Variants in KCNAB1 observed in about 807,000 individuals in gnomAD.
KCNAB1 encodes potassium voltage-gated channel subfamily A regulatory beta subunit 1.
In KCNAB1, 35 loss-of-function variants were observed where a neutral mutation model predicts 64.6. The observed-to-expected ratio is 0.54, with a 90% CI of 0.41 to 0.72. KCNAB1 has a LOEUF of 0.72. Ranked by LOEUF, KCNAB1 falls within the 30% of genes least tolerant of loss-of-function variation. The pLI, the probability that KCNAB1 is intolerant of heterozygous loss-of-function variation, is 0.00. For synonymous variants in KCNAB1, 177 were observed against 183.8 expected, an observed-to-expected ratio of 0.96 and a Z score of 0.30; for missense variants, 401 against 512.9, an observed-to-expected ratio of 0.78 and a Z score of 2.11.
intron 1 of KCNAB1, among the ~76,000 whole-genome samples, chr3:156,401,748 A>G (rs2108192272): frequency 6.6e-6 from 1 of 152,368 alleles, no homozygotes; most frequent in African/African-American, 2.4e-5. Flanking sequence ...TTTGTCCAAA[A>G]TGAGCCAAAT....
At chr3:156,210,552 A>G (rs973235560) in intron 1 of KCNAB1, among the ~76,000 whole-genome samples, 1 of 152,210 alleles carries the variant, frequency 6.6e-6, no homozygotes, top group Non-Finnish European at 1.5e-5. Context: ...TCTGCATGCA[A>G]AAGATAATTA....
chr3:156,365,027 G>T (rs1029578585), intron 1 of KCNAB1, among the ~76,000 whole-genome samples: 2 of 152,170 alleles, frequency 1.3e-5, no homozygotes, highest in African/African-American at 4.8e-5. Context: ...CTCCAGAAAC[G>T]AAGTCTAGCA....
chr3:156,185,718 C>T (rs558174449), intron 1 of KCNAB1, among the ~76,000 whole-genome samples: 2 of 152,250 alleles, frequency 1.3e-5, no homozygotes, highest in East Asian at 1.9e-4. Context: ...GCCCCAACTT[C>T]CCATCCTCGA....
chr3:156,518,027 G>A lies in KCNAB1; in HGVS notation c.960+1663G>A, dbSNP rs536268526. Among the ~76,000 whole-genome samples, 3 of 152,304 alleles carry A rather than the reference G, an allele frequency of 2.0e-5. No individual in the cohort carries two copies. The East Asian group carries it at 5.8e-4, about 29-fold the overall frequency. On this transcript the variant is annotated intron_variant, in intron 11 of 13. Transcript: ENST00000490337. Reference sequence around the variant, plus strand: ...TAGCTATGATGTATTTGGAGTGCATGATTGTCTAACCTCCATCACTGTTTG... The same window carrying A: ...TAGCTATGATGTATTTGGAGTGCATAATTGTCTAACCTCCATCACTGTTTG...
chr3:156,421,681 TG>T, intron 2 of KCNAB1, 22 bp downstream of exon 2: 1 of 1,610,940 alleles, frequency 6.2e-7, no homozygotes. Flanking sequence ...GGGTGTGACC[TG>T]GGGGTGGGCT....
intron 13 of KCNAB1, among the ~76,000 whole-genome samples, chr3:156,532,772 C>A (rs1407288734): frequency 2.6e-5 from 4 of 152,144 alleles, no homozygotes; most frequent in African/African-American, 9.7e-5. Flanking sequence ...AGGAATTCTC[C>A]CTCTTATGTT....
At chr3:156,348,977 G>A (rs917224082) in intron 1 of KCNAB1, among the ~76,000 whole-genome samples, 5 of 152,172 alleles carry the variant, frequency 3.3e-5, no homozygotes, top group African/African-American at 1.2e-4. Flanking sequence ...ATTAGATCAT[G>A]CTATCAGCCT....
At chr3:156,493,583 A>G (rs188142820) in intron 8 of KCNAB1, among the ~76,000 whole-genome samples, 46 of 152,144 alleles carry the variant, frequency 3.0e-4, no homozygotes, top group Non-Finnish European at 6.0e-4. Context: ...ATTAACATTA[A>G]CACAATAATA....
At chr3:156,273,883 A>G (rs911719822) in intron 1 of KCNAB1, among the ~76,000 whole-genome samples, 3 of 152,080 alleles carry the variant, frequency 2.0e-5, no homozygotes, top group African/African-American at 7.2e-5. Flanking sequence ...CTTCCTCTAA[A>G]GTGTGTATCA....
rs140670839 is a variant in KCNAB1, at chr3:156,398,460, C to T, written c.276-23156C>T. Among the ~76,000 whole-genome samples, 663 of 151,988 alleles carry T rather than the reference C, an allele frequency of 4.4e-3. 4 individuals carry two copies. Among genetic ancestry groups the T allele is most frequent in the African/African-American group, 0.014 (597 of 41,448 alleles). On this transcript the variant is annotated intron_variant, in intron 1 of 13. Transcript: ENST00000490337. Reference sequence around the variant, plus strand: ...TCAAAAAATTAGCCGGGCGAGGTGGCGGGTGCCTGTATTCCCAGCTACTCG... The same window carrying T: ...TCAAAAAATTAGCCGGGCGAGGTGGTGGGTGCCTGTATTCCCAGCTACTCG...
At chr3:156,438,674 A>G (rs1384407589) in intron 2 of KCNAB1, among the ~76,000 whole-genome samples, 1 of 152,204 alleles carries the variant, frequency 6.6e-6, no homozygotes, top group Non-Finnish European at 1.5e-5. Context: ...GTCTAGTACT[A>G]TTGTCTAGTA....
chr3:156,241,407 C>G (rs1316180974), intron 1 of KCNAB1, among the ~76,000 whole-genome samples: 3 of 152,180 alleles, frequency 2.0e-5, no homozygotes, highest in South Asian at 2.1e-4. Flanking sequence ...CCATTATGCT[C>G]TATGGACTGT....
At chr3:156,142,696 T>C (rs1714772543) in intron 1 of KCNAB1, among the ~76,000 whole-genome samples, 1 of 152,228 alleles carries the variant, frequency 6.6e-6, no homozygotes, top group East Asian at 1.9e-4. Flanking sequence ...ATCATGCCTC[T>C]AGTATAAAAA....
intron 11 of KCNAB1, among the ~76,000 whole-genome samples, chr3:156,521,339 T>C (rs1576971101): frequency 6.6e-6 from 1 of 152,108 alleles, no homozygotes. Context: ...TCACACTGCA[T>C]TGGGGAGGAG....
chr3:156,269,462 A>G (rs1718903642), intron 1 of KCNAB1, among the ~76,000 whole-genome samples: 1 of 152,242 alleles, frequency 6.6e-6, no homozygotes, highest in African/African-American at 2.4e-5. Flanking sequence ...AAGAATGTGC[A>G]TTCTGTAGCC....
At chr3:156,254,624 T>C (rs1394258636) in intron 1 of KCNAB1, among the ~76,000 whole-genome samples, 1 of 152,246 alleles carries the variant, frequency 6.6e-6, no homozygotes, top group African/African-American at 2.4e-5. Flanking sequence ...GTCACAATAT[T>C]TGATATTTAG....
intron 1 of KCNAB1, among the ~76,000 whole-genome samples, chr3:156,315,308 G>GGTA (rs1722203906): frequency 2.6e-5 from 4 of 151,908 alleles, no homozygotes; most frequent in African/African-American, 9.7e-5. Flanking sequence ...GAGTACTGGG[G>GGTA]TATAGGCTAT....
chr3:156,474,847 T>C, intron 8 of KCNAB1, 27 bp downstream of exon 8: 4 of 1,539,086 alleles, frequency 2.6e-6, no homozygotes, highest in South Asian at 2.2e-5. Context: ...AATAAAATAC[T>C]CTAGAAATCT....
At chr3:156,259,618 A>G (rs1306376156) in intron 1 of KCNAB1, among the ~76,000 whole-genome samples, 1 of 152,210 alleles carries the variant, frequency 6.6e-6, no homozygotes, top group Non-Finnish European at 1.5e-5. Context: ...AGTCCCTAAC[A>G]TAGCTGACTT....
Sources: allele counts gnomAD v4.1 joint callset (sites outside exome capture counted in the v4.1 genomes callset), GRCh38; gene constraint gnomAD v4.1.1; transcripts MANE v1.5; gene names NCBI Gene and HGNC (gene_info 2026-07-23, HGNC 2026-07-21).